The following TRAPPC8 variants were observed in gnomAD, a reference collection of about 807,000 sequenced individuals.
TRAPPC8 encodes general sporulation gene 1 homolog.
In TRAPPC8, 54 loss-of-function variants were observed where a neutral mutation model predicts 174.3. That is an observed-to-expected ratio of 0.31 (90% CI 0.25 to 0.39). The LOEUF (loss-of-function observed/expected upper bound fraction) is 0.39. Ranked by LOEUF, TRAPPC8 falls within the 10% of genes least tolerant of loss-of-function variation. The probability of loss-of-function intolerance (pLI) is 1.00; values close to 1 mark genes in which losing one functional copy is unlikely to be tolerated. For synonymous variants in TRAPPC8, 630 were observed against 579.9 expected (o/e 1.09, Z -1.24); for missense variants, 1,531 against 1,699.1 (o/e 0.90, Z 1.74).
chr18:31,852,970 C>A, intron 22 of TRAPPC8: 1 of 284,990 alleles, frequency 3.5e-6, no homozygotes, highest in Non-Finnish European at 6.6e-6. Context: ...CATAATCCTG[C>A]CACTCTACCA....
chr18:31,931,561 T>C (rs1228220183), intron 1 of TRAPPC8, 38 bp from the exon 2 acceptor site: 1 of 1,490,660 alleles, frequency 6.7e-7, no homozygotes, highest in Non-Finnish European at 9.0e-7. Context: ...AAATTAATTC[T>C]ATACAATGCA....
chr18:31,836,936 G>C (rs542821093), intron 27 of TRAPPC8, among the ~76,000 whole-genome samples: 1 of 151,864 alleles, frequency 6.6e-6, no homozygotes, highest in Non-Finnish European at 1.5e-5. Context: ...TAATTTTTTT[G>C]TATTTTTAGT....
intron 9 of TRAPPC8, among the ~76,000 whole-genome samples, chr18:31,905,779 A>AT (rs1214558846): frequency 1.3e-5 from 2 of 152,116 alleles, no homozygotes; most frequent in Non-Finnish European, 2.9e-5. Context: ...ATATGCCTTT[A>AT]TTTTCCAGTG....
At chr18:31,887,454 G>A (rs2035766668) in intron 12 of TRAPPC8, among the ~76,000 whole-genome samples, 1 of 152,098 alleles carries the variant, frequency 6.6e-6, no homozygotes, top group African/African-American at 2.4e-5. Context: ...AGACCAGCCT[G>A]GCCAACGTGG....
chr18:31,864,685 T>C lies in TRAPPC8; in HGVS notation c.2687A>G (p.Lys896Arg). The C allele has an allele frequency of 6.2e-7, 1 of 1,613,250 alleles. No individual in the cohort carries two copies. Among genetic ancestry groups the C allele is most frequent in the Non-Finnish European group, 8.5e-7 (1 of 1,179,552 alleles). The change falls in exon 19 of 29, where the codon AAA becomes AGA. Residue 896 changes from lysine to arginine, a missense_variant. Coordinates refer to ENST00000283351, the MANE Select transcript of TRAPPC8 (RefSeq NM_014939.5). Reference protein sequence around the residue: ...NNTKEEKTSVKYGPDRRLDPI... With the variant: ...NNTKEEKTSVRYGPDRRLDPI... ...ATCTAAACGTCGATCAGGGCCATATTTAACAGATGTTTTCTCTTCTTTTGT... is the reference window on the plus strand; with the variant it reads ...ATCTAAACGTCGATCAGGGCCATATCTAACAGATGTTTTCTCTTCTTTTGT...
At chr18:31,939,346 G>A (rs531854621) in intron 1 of TRAPPC8, 1 of 152,044 alleles carries the variant, frequency 6.6e-6, no homozygotes, top group Non-Finnish European at 1.5e-5. Context: ...ACTCATTAAT[G>A]TCCAAATGTT....
intron 27 of TRAPPC8, among the ~76,000 whole-genome samples, chr18:31,836,764 T>A (rs1217448071): frequency 4.2e-5 from 6 of 144,422 alleles, no homozygotes; most frequent in Admixed American, 4.1e-4. Flanking sequence ...CAGTCTTTTT[T>A]TTTTTTTTTT....
At position 31,829,936 on chromosome 18, in the gene TRAPPC8, G is replaced by A. The variant is rs958182622; in HGVS notation, c.*819C>T. On this transcript the variant is annotated 3_prime_UTR_variant, in exon 29 of 29. Transcript: ENST00000283351. ...CTTTCTAATCAACAGATACTAATAC[G>A]CTATACAGTGAATAGCATGTCTTTA... 2.0e-5 allele frequency: 3 copies of A among 152,526 alleles called. No individual in the cohort carries two copies. The highest frequency in any genetic ancestry group is 4.1e-4 in the South Asian group (2 of 4,826). 9.4% of individuals were successfully genotyped at this position (152,526 alleles called of 1,614,324 possible). A position where few individuals can be genotyped will look rare whatever the true frequency, so the allele number is the denominator to read the frequency against.
Position 31,942,717 on chromosome 18 carries a change from G to A in TRAPPC8, c.48C>T (p.Phe16=). ...QSVQELIPDS[F]VPCVAALCSD... ...TGCACAGCGCAGCGACACAGGGGAC[G>A]AAGGAGTCCGGGATTAGCTCCTGCA... The change falls in exon 1 of 29, where the codon TTC becomes TTT. Residue 16 remains phenylalanine (F), a synonymous_variant. Transcript: ENST00000283351. 1 of 1,606,550 alleles carries A rather than the reference G, an allele frequency of 6.2e-7. No individual in the cohort carries two copies. The highest frequency in any genetic ancestry group is 2.2e-5 in the East Asian group (1 of 44,460).
chr18:31,908,787 A>G lies in TRAPPC8; in HGVS notation c.1089T>C (p.His363=). The stretch of plus-strand genomic sequence containing the variant: ...TTAATTGCCTAATTGTTTTCTCTAT[A>G]TGTGGCAAAAGGCCCCGAAATGTGA... ...QEFTFRGLLP[H]IEKTIRQLND... The change falls in exon 7 of 29, where the codon CAT becomes CAC. Residue 363 remains histidine (H), a synonymous_variant. Transcript: ENST00000283351. The G allele has an allele frequency of 6.2e-7, 1 of 1,611,234 alleles. No homozygotes were observed. The highest frequency in any genetic ancestry group is 8.5e-7 in the Non-Finnish European group (1 of 1,178,176).
At chr18:31,843,023 T>C (rs985451177) in intron 26 of TRAPPC8, among the ~76,000 whole-genome samples, 1 of 152,154 alleles carries the variant, frequency 6.6e-6, no homozygotes, top group African/African-American at 2.4e-5. Flanking sequence ...AAGGTGAATA[T>C]ATTTTCAAGG....
chr18:31,890,175 C>T (rs2035892871), intron 12 of TRAPPC8, among the ~76,000 whole-genome samples: 1 of 152,128 alleles, frequency 6.6e-6, no homozygotes, highest in Non-Finnish European at 1.5e-5. Flanking sequence ...CTACTCTCAG[C>T]CTCCAAGAAA....
At chr18:31,861,334 T>C (rs1260418279) in intron 19 of TRAPPC8, among the ~76,000 whole-genome samples, 2 of 152,180 alleles carry the variant, frequency 1.3e-5, no homozygotes, top group African/African-American at 2.4e-5. Context: ...TTTTCTAAAA[T>C]TGTGATATGC....
chr18:31,836,192 A>T (rs1014117808), intron 27 of TRAPPC8, among the ~76,000 whole-genome samples: 3 of 152,316 alleles, frequency 2.0e-5, no homozygotes, highest in African/African-American at 2.4e-5. Context: ...AATCTGATTG[A>T]ATCAGCCCAA....
At position 31,908,803 on chromosome 18, in the gene TRAPPC8, C is replaced by T. The variant is rs200785394; in HGVS notation, c.1073G>A (p.Arg358Gln). The T allele has an allele frequency of 2.7e-5, 44 of 1,611,848 alleles. No homozygotes were observed. The highest frequency in any genetic ancestry group is 3.3e-5 in the Non-Finnish European group (39 of 1,178,654). Residue 358 changes from arginine to glutamine, a missense_variant, in exon 7 of 29, where the codon CGG (arginine) becomes CAG (glutamine). Coordinates refer to ENST00000283351, the MANE Select transcript of TRAPPC8 (RefSeq NM_014939.5). ...IRQFIQEFTF[R>Q]GLLPHIEKTI... ...TTTCTCTATATGTGGCAAAAGGCCC[C>T]GAAATGTGAACTCTTGTATAAACTG...
chr18:31,842,809 T>A (rs1198472627), intron 26 of TRAPPC8, among the ~76,000 whole-genome samples: 2 of 152,196 alleles, frequency 1.3e-5, no homozygotes, highest in South Asian at 4.1e-4. Flanking sequence ...CTAGCAGGTA[T>A]ATGATGCAAA....
intron 26 of TRAPPC8, among the ~76,000 whole-genome samples, chr18:31,842,408 G>A (rs2033156433): frequency 6.6e-6 from 1 of 152,176 alleles, no homozygotes. Context: ...CTGATTGTGA[G>A]ACATGAAATC....
rs370664592 is a variant in TRAPPC8, at chr18:31,849,585, T to C, written c.3716A>G (p.Asn1239Ser). Residue 1239 changes from asparagine (N) to serine (S), a missense_variant, in exon 25 of 29, where the codon AAT becomes AGT. Physicochemically the swap from Asn to Ser is conservative, Grantham distance 46 (BLOSUM62 1). Transcript: ENST00000283351. ...ACATACCTTCCATAATATGACAATA[T>C]TCAAATCTACCTCACTGCATTTTTG... Reference protein sequence around the residue: ...LIQKCSEVDLNIVILWKAYVV... With the variant: ...LIQKCSEVDLSIVILWKAYVV... 9.3e-6 allele frequency: 15 copies of C among 1,609,264 alleles called. No homozygotes were observed. In the East Asian group the frequency reaches 2.7e-4, roughly 29 times the overall value.
At position 31,853,925 on chromosome 18, in the gene TRAPPC8, T is replaced by C; in HGVS notation, c.3357A>G (p.Glu1119=). The C allele has an allele frequency of 6.2e-7, 1 of 1,610,812 alleles. No homozygotes were observed. Among genetic ancestry groups the C allele is most frequent in the South Asian group, 1.1e-5 (1 of 90,734 alleles). Residue 1119 remains glutamate (E), a synonymous_variant, in exon 22 of 29, where the codon GAA becomes GAG. Coordinates refer to ENST00000283351, the MANE Select transcript of TRAPPC8 (RefSeq NM_014939.5). ...NTNTSEAGVK[E]FHIVQVSSSS... Reference sequence around the variant, plus strand: ...TACTTGATACTTGCACTATGTGGAATTCCTTAACGCCTGCTTCACTCTGTC... The same window carrying C: ...TACTTGATACTTGCACTATGTGGAACTCCTTAACGCCTGCTTCACTCTGTC...
Sources: gnomAD v4.1 joint callset for allele counts (sites outside exome capture counted in the v4.1 genomes callset) on GRCh38, gnomAD v4.1.1 for gene constraint, MANE v1.5 for transcripts, NCBI Gene and HGNC (gene_info 2026-07-23, HGNC 2026-07-21) for gene names.